Variants in GRIN2B observed in about 807,000 individuals in gnomAD.
GRIN2B encodes glutamate receptor ionotropic, NMDA 2B.
Under a neutral mutation model 114.5 loss-of-function variants are expected in GRIN2B, and 5 were observed. The observed-to-expected ratio is 0.04, with a 90% CI of 0.02 to 0.09. The LOEUF (loss-of-function observed/expected upper bound fraction) is 0.09, where lower values mean the gene tolerates loss of function less well. Ranked by LOEUF, GRIN2B falls within the 10% of genes least tolerant of loss-of-function variation. GRIN2B has a pLI of 1.00. For synonymous variants in GRIN2B, 787 were observed against 745.1 expected, an observed-to-expected ratio of 1.06 and a Z score of -0.92; for missense variants, 1,108 against 1,943.5, an observed-to-expected ratio of 0.57 and a Z score of 8.08.
In GRIN2B at chr12:13,858,498, A is replaced by C. The variant is rs145335025; in HGVS notation, c.411+7300T>G. ...CACAGAAGTCTCAGAAAGGGGACTA[A>C]AAATATACTCTTTGTATAGAACTCA... On this transcript the variant is annotated intron_variant, in intron 3 of 13. Coordinates refer to ENST00000609686, the MANE Select transcript of GRIN2B (RefSeq NM_000834.5). 1.6e-4 allele frequency among the ~76,000 whole-genome samples: 24 copies of C among 152,370 alleles called. No homozygotes were observed. The East Asian group carries it at 2.9e-3, about 18-fold the overall frequency.
At position 13,781,827 on chromosome 12, in the gene GRIN2B, G is replaced by A. The variant is rs115511479; in HGVS notation, c.412-27912C>T. Among the ~76,000 whole-genome samples, 1,148 of 152,300 alleles carry A rather than the reference G, an allele frequency of 7.5e-3. 12 individuals carry two copies. The highest frequency in any genetic ancestry group is 0.026 in the African/African-American group (1,094 of 41,558). ...CACAAGAAATGTTCGAAGAAAAGGAGTCACGGGGTCAGCTGTCAGGGATTC... is the reference window on the plus strand; with the variant it reads ...CACAAGAAATGTTCGAAGAAAAGGAATCACGGGGTCAGCTGTCAGGGATTC... On this transcript the variant is annotated intron_variant, in intron 3 of 13. Coordinates refer to ENST00000609686, the MANE Select transcript of GRIN2B (RefSeq NM_000834.5).
chr12:13,615,545 T>C lies in GRIN2B; in HGVS notation c.1448A>G (p.Asn483Ser). The change falls in exon 7 of 14, where the codon AAT becomes AGT. Residue 483 changes from asparagine to serine, a missense_variant. Physicochemically the swap from Asn to Ser is conservative, Grantham distance 46. Around this residue, in one of 19 missense-constraint regions of GRIN2B, gnomAD observed 9 missense variants for 19.2 expected, o/e 0.47. Transcript: ENST00000609686. The surrounding 1 kb of genome is among the most constrained non-coding windows in gnomAD (Gnocchi z 5.8). ...KFTYDLYLVTNGKHGKKINGT... is the reference protein window; with the variant it reads ...KFTYDLYLVTSGKHGKKINGT... ...ATTGATTTTCTTCCCATGCTTGCCA[T>C]TGGTAACCAGGTAAAGGTCATAGGT... The C allele has an allele frequency of 6.2e-7, 1 of 1,613,804 alleles. No homozygotes were observed. Among genetic ancestry groups the C allele is most frequent in the Non-Finnish European group, 8.5e-7 (1 of 1,179,690 alleles).
chr12:13,947,637 A>G (rs1032607431), intron 2 of GRIN2B, among the ~76,000 whole-genome samples: 3 of 152,100 alleles, frequency 2.0e-5, no homozygotes, highest in Non-Finnish European at 4.4e-5. Context: ...GTATTCTTAG[A>G]TTTTCAATAA....
chr12:13,821,156 C>G (rs576787850), intron 3 of GRIN2B, among the ~76,000 whole-genome samples: 1 of 152,150 alleles, frequency 6.6e-6, no homozygotes, highest in African/African-American at 2.4e-5. Context: ...TTCTCTCTTC[C>G]CGCTCTGTCC....
chr12:13,957,293 G>A (rs896352469), intron 2 of GRIN2B, among the ~76,000 whole-genome samples: 3 of 152,104 alleles, frequency 2.0e-5, no homozygotes, highest in African/African-American at 7.2e-5. Flanking sequence ...GCAGGATATG[G>A]GAAGAAAGGT....
At chr12:13,602,449 G>A (rs1363280196) in intron 10 of GRIN2B, among the ~76,000 whole-genome samples, 1 of 152,226 alleles carries the variant, frequency 6.6e-6, no homozygotes, top group African/African-American at 2.4e-5. Flanking sequence ...GATCGGGCTG[G>A]AGGTTGGCTG....
chr12:13,686,145 T>C (rs1431452461), intron 4 of GRIN2B, among the ~76,000 whole-genome samples: 1 of 152,202 alleles, frequency 6.6e-6, no homozygotes, highest in Non-Finnish European at 1.5e-5. Flanking sequence ...TCTAACGCAG[T>C]ACATTATGGC....
chr12:13,757,236 C>T (rs1863592035), intron 3 of GRIN2B, among the ~76,000 whole-genome samples: 1 of 152,178 alleles, frequency 6.6e-6, no homozygotes, highest in Admixed American at 6.5e-5. Context: ...CCAATGTTTC[C>T]TGGTATAATG....
At chr12:13,613,876 A>G (rs1044553950) in intron 8 of GRIN2B, among the ~76,000 whole-genome samples, 12 of 152,236 alleles carry the variant, frequency 7.9e-5, no homozygotes, top group Middle Eastern at 3.4e-3. Flanking sequence ...CCTGCCTGAC[A>G]TTTCTATGCT....
rs568107177 is a variant in GRIN2B, at chr12:13,888,023, T to C, written c.-18-21797A>G. On this transcript the variant is annotated intron_variant, in intron 2 of 13. Transcript: ENST00000609686. ...CTCCTCTGTCCTAATTCCAAGTCAGTTGAGCAAACAATAAAACAGCTGAAT... is the reference window on the plus strand; with the variant it reads ...CTCCTCTGTCCTAATTCCAAGTCAGCTGAGCAAACAATAAAACAGCTGAAT... Among the ~76,000 whole-genome samples the C allele has an allele frequency of 2.6e-5, 4 of 152,126 alleles. No individual in the cohort carries two copies. The East Asian group carries it at 7.7e-4, about 29-fold the overall frequency.
chr12:13,868,368 A>G (rs533109611), intron 2 of GRIN2B, among the ~76,000 whole-genome samples: 12 of 152,222 alleles, frequency 7.9e-5, no homozygotes, highest in African/African-American at 2.9e-4. Context: ...AACTTAAAGG[A>G]AAGAAACACT....
intron 10 of GRIN2B, among the ~76,000 whole-genome samples, chr12:13,585,671 A>G (rs1948912778): frequency 6.6e-6 from 1 of 152,188 alleles, no homozygotes; most frequent in African/African-American, 2.4e-5. Context: ...CTTTTTCTCA[A>G]GAATAGCCAT....
chr12:13,757,280 T>C (rs1863592787), intron 3 of GRIN2B, among the ~76,000 whole-genome samples: 1 of 152,210 alleles, frequency 6.6e-6, no homozygotes, highest in Admixed American at 6.5e-5. Context: ...AGTTGACACA[T>C]CAATATGGTA....
Position 13,943,851 on chromosome 12 carries a change from A to G in GRIN2B, c.-19+36077T>C, listed in dbSNP as rs1350759906. On this transcript the variant is annotated intron_variant, in intron 2 of 13. Transcript: ENST00000609686. ...CACTCTCGTCTATGATCATATTTGC[A>G]TCTCTTCGTTTATTGTCTTTCCCAT... 3.3e-5 allele frequency among the ~76,000 whole-genome samples: 5 copies of G among 152,240 alleles called. No individual in the cohort carries two copies. The South Asian group carries it at 1.0e-3, about 32-fold the overall frequency.
rs1805246 is a variant in GRIN2B, at chr12:13,563,020, G to A, written c.4218C>T (p.Phe1406=). ...CLLHGSKSYF[F]RQPTVAGASK... ...ACGCCCCCGCCACCGTGGGCTGCCT[G>A]AAGAAGTAGGATTTGCTGCCATGGA... The change falls in exon 14 of 14, where the codon TTC becomes TTT. Residue 1406 remains phenylalanine, a synonymous_variant. Coordinates refer to ENST00000609686, the MANE Select transcript of GRIN2B (RefSeq NM_000834.5). 59,227 of 1,613,930 alleles carry A rather than the reference G, an allele frequency of 0.037. 1,338 individuals carry two copies. The highest frequency in any genetic ancestry group is 0.072 in the East Asian group (3,240 of 44,860).
At chr12:13,659,641 ACT>A (rs1949900819) in intron 5 of GRIN2B, among the ~76,000 whole-genome samples, 2 of 152,010 alleles carry the variant, frequency 1.3e-5, no homozygotes, top group Admixed American at 1.3e-4. Context: ...TTAAAAAAAA[ACT>A]CTTATTCAAT....
intron 3 of GRIN2B, among the ~76,000 whole-genome samples, chr12:13,768,590 A>C (rs947670633): frequency 1.2e-4 from 19 of 152,246 alleles, no homozygotes; most frequent in African/African-American, 4.1e-4. Context: ...GTAGGGAGCC[A>C]GCTGGGGAGT....
chr12:13,971,626 C>T (rs79758831), intron 2 of GRIN2B, among the ~76,000 whole-genome samples: 4,834 of 152,234 alleles, frequency 0.032, 242 homozygotes, highest in East Asian at 0.2. Context: ...TCTGCTTAGC[C>T]AGCCCCATTT....
rs147350473 is a variant in GRIN2B at position 13,558,597 on chromosome 12, T to C, written c.*4186A>G. On this transcript the variant is annotated 3_prime_UTR_variant, in exon 14 of 14. Coordinates refer to ENST00000609686, the MANE Select transcript of GRIN2B (RefSeq NM_000834.5). Reference sequence around the variant, plus strand: ...TGGCCACGGAAGACCGGGTGAGTGATAGTCACTTAACTGTATAGACAACTC... The same window carrying C: ...TGGCCACGGAAGACCGGGTGAGTGACAGTCACTTAACTGTATAGACAACTC... 9 of 152,182 alleles carry C rather than the reference T, an allele frequency of 5.9e-5. No individual in the cohort carries two copies. Among genetic ancestry groups the C allele is most frequent in the African/African-American group, 2.2e-4 (9 of 41,442 alleles). 9.4% of individuals were successfully genotyped at this position (152,182 alleles called of 1,614,324 possible).
Sources: gnomAD v4.1 joint callset for allele counts (sites outside exome capture counted in the v4.1 genomes callset) on GRCh38, gnomAD v4.1.1 for gene constraint, gnomAD v4.1.1 regional missense constraint, Gnocchi (gnomAD v3.1) non-coding constraint, MANE v1.5 for transcripts, NCBI Gene and HGNC (gene_info 2026-07-23, HGNC 2026-07-21) for gene names.